GALNTL6: variants seen among roughly 807,000 people sequenced by gnomAD.
The protein encoded by GALNTL6 is polypeptide N-acetylgalactosaminyltransferase-like 6.
Under a neutral mutation model 73.7 loss-of-function variants are expected in GALNTL6, and 46 were observed. The observed-to-expected ratio is 0.62, with a 90% CI of 0.49 to 0.80. The LOEUF (loss-of-function observed/expected upper bound fraction) is 0.80. Among genes scored for constraint, GALNTL6 ranks in the 30% least tolerant of loss-of-function variants. GALNTL6 has a pLI of 0.00. For missense variants in GALNTL6, 604 were observed against 755.0 expected (o/e 0.80, Z 2.34); for synonymous variants, 259 against 263.7 (o/e 0.98, Z 0.17).
intron 3 of GALNTL6, among the ~76,000 whole-genome samples, chr4:172,282,514 C>T (rs1739096897): frequency 1.3e-5 from 2 of 152,010 alleles, no homozygotes; most frequent in Admixed American, 1.3e-4. Context: ...AGGTAAACAT[C>T]CTGAGGTAAG....
chr4:172,841,653 A>G (rs143552301), intron 7 of GALNTL6, among the ~76,000 whole-genome samples: 2,052 of 152,270 alleles, frequency 0.013, 17 homozygotes, highest in Middle Eastern at 0.058. Flanking sequence ...GTGTGAGTGC[A>G]CAGGAAAAAC....
chr4:172,644,535 TAC>T (rs1740144506), intron 5 of GALNTL6, among the ~76,000 whole-genome samples: 1 of 151,990 alleles, frequency 6.6e-6, no homozygotes, highest in Admixed American at 6.6e-5. Context: ...GACTCGCCAA[TAC>T]ATGGAGAGTC....
At chr4:172,204,385 A>T (rs1447879407) in intron 2 of GALNTL6, among the ~76,000 whole-genome samples, 1 of 152,180 alleles carries the variant, frequency 6.6e-6, no homozygotes, top group Non-Finnish European at 1.5e-5. Flanking sequence ...CCTGTCTGAT[A>T]CTGAAAGAAG....
At chr4:171,958,391 G>C (rs2111042759) in intron 2 of GALNTL6, among the ~76,000 whole-genome samples, 1 of 152,102 alleles carries the variant, frequency 6.6e-6, no homozygotes, top group Admixed American at 6.5e-5. Flanking sequence ...ATGCTTTCAG[G>C]GTGGACGGAA....
intron 2 of GALNTL6, among the ~76,000 whole-genome samples, chr4:172,038,902 T>C (rs970871633): frequency 1.3e-5 from 2 of 152,200 alleles, no homozygotes; most frequent in African/African-American, 2.4e-5. Flanking sequence ...AACATTGGCA[T>C]TGGCACTGTC....
intron 2 of GALNTL6, among the ~76,000 whole-genome samples, chr4:172,092,576 A>G (rs1341007990): frequency 6.6e-6 from 1 of 152,140 alleles, no homozygotes; most frequent in Non-Finnish European, 1.5e-5. Context: ...TGATCAAAAT[A>G]AAATCACAGA....
rs184560195 is a variant in GALNTL6 at position 172,030,956 on chromosome 4, G to C, written c.139-198700G>C. 2.6e-5 allele frequency among the ~76,000 whole-genome samples: 4 copies of C among 152,016 alleles called. No homozygotes were observed. In the East Asian group the frequency reaches 5.8e-4, roughly 22 times the overall value. ...ACAAACAGAGGATCACTTTATAAAG[G>C]AGTGTTTCTGAGAAGACCTACCCAA... On this transcript the variant is annotated intron_variant, in intron 2 of 12. Transcript: ENST00000506823.
At chr4:172,746,374 C>A (rs1220207768) in intron 5 of GALNTL6, among the ~76,000 whole-genome samples, 1 of 151,956 alleles carries the variant, frequency 6.6e-6, no homozygotes, top group Non-Finnish European at 1.5e-5. Context: ...ATAATGTGTT[C>A]AAACATATTA....
chr4:172,581,797 G>A (rs1737201646), intron 5 of GALNTL6, among the ~76,000 whole-genome samples: 1 of 152,148 alleles, frequency 6.6e-6, no homozygotes, highest in East Asian at 1.9e-4. Flanking sequence ...GTAGACATAA[G>A]CTTTGGAATC....
At chr4:172,572,540 AT>A (rs1736799381) in intron 5 of GALNTL6, among the ~76,000 whole-genome samples, 1 of 152,126 alleles carries the variant, frequency 6.6e-6, no homozygotes, top group South Asian at 2.1e-4. Context: ...GAAAATTGTC[AT>A]CAGTTTTTTA....
At chr4:171,819,429 C>A (rs1734625730) in intron 2 of GALNTL6, among the ~76,000 whole-genome samples, 2 of 152,046 alleles carry the variant, frequency 1.3e-5, no homozygotes, top group South Asian at 4.1e-4. Flanking sequence ...AATTTTTCCC[C>A]TCTATTCATT....
chr4:172,001,019 AT>A (rs1482993642), intron 2 of GALNTL6, among the ~76,000 whole-genome samples: 3 of 152,190 alleles, frequency 2.0e-5, no homozygotes, highest in Non-Finnish European at 2.9e-5. Flanking sequence ...TCTGTGTTAC[AT>A]TCTATCAGTC....
At chr4:172,168,070 T>C (rs557778341) in intron 2 of GALNTL6, among the ~76,000 whole-genome samples, 1 of 152,326 alleles carries the variant, frequency 6.6e-6, no homozygotes, top group African/African-American at 2.4e-5. Context: ...TGAAATATAT[T>C]TTTTTCACAT....
intron 2 of GALNTL6, among the ~76,000 whole-genome samples, chr4:171,903,627 T>A (rs1480801673): frequency 2.9e-5 from 4 of 140,298 alleles, no homozygotes; most frequent in African/African-American, 1.2e-4. Flanking sequence ...AAGCTCAAAC[T>A]GGGTGGAGCC....
intron 5 of GALNTL6, among the ~76,000 whole-genome samples, chr4:172,426,782 C>A (rs1434448205): frequency 6.6e-6 from 1 of 152,096 alleles, no homozygotes; most frequent in Non-Finnish European, 1.5e-5. Context: ...GTAAAAATAG[C>A]AGTGCCACTA....
intron 2 of GALNTL6, among the ~76,000 whole-genome samples, chr4:171,994,127 A>G (rs1368126271): frequency 6.6e-6 from 1 of 152,014 alleles, no homozygotes; most frequent in Non-Finnish European, 1.5e-5. Flanking sequence ...TAATTTTTAT[A>G]GAAGTATGGT....
chr4:172,078,345 C>A (rs1731773377), intron 2 of GALNTL6, among the ~76,000 whole-genome samples: 1 of 152,254 alleles, frequency 6.6e-6, no homozygotes, highest in South Asian at 2.1e-4. Context: ...GTGCTTGCTT[C>A]TCCTTCCCCT....
chr4:172,009,079 A>G (rs1042948568), intron 2 of GALNTL6, among the ~76,000 whole-genome samples: 2 of 152,100 alleles, frequency 1.3e-5, no homozygotes, highest in Non-Finnish European at 2.9e-5. Flanking sequence ...TTGTTACTAC[A>G]TTTAAGCCAT....
intron 5 of GALNTL6, among the ~76,000 whole-genome samples, chr4:172,440,769 TA>T (rs1318300422): frequency 1.2e-5 from 1 of 86,240 alleles, no homozygotes; most frequent in African/African-American, 3.7e-5. Flanking sequence ...GCTGTAAATC[TA>T]AAACTGCTTT....
Sources: allele counts gnomAD v4.1 joint callset (sites outside exome capture counted in the v4.1 genomes callset), GRCh38; gene constraint gnomAD v4.1.1; transcripts MANE v1.5; gene names NCBI Gene and HGNC (gene_info 2026-07-23, HGNC 2026-07-21).